Variants in MITF observed in about 807,000 individuals in gnomAD.
MITF encodes the protein melanocyte inducing transcription factor, also known as microphthalmia-associated transcription factor.
In MITF, 17 loss-of-function variants were observed where a neutral mutation model predicts 60.5. That is an observed-to-expected ratio of 0.28 (90% CI 0.19 to 0.42). MITF has a LOEUF of 0.42. Ranked by LOEUF, MITF falls within the 10% of genes least tolerant of loss-of-function variation. The probability of loss-of-function intolerance (pLI) is 1.00; values close to 1 mark genes in which losing one functional copy is unlikely to be tolerated. For synonymous variants in MITF, 260 were observed against 248.5 expected, an observed-to-expected ratio of 1.05 and a Z score of -0.43; for missense variants, 622 against 683.5, an observed-to-expected ratio of 0.91 and a Z score of 1.00.
chr3:69,936,945 T>TTA, intron 2 of MITF: 1 of 487,632 alleles, frequency 2.1e-6, no homozygotes, highest in Non-Finnish European at 3.5e-6. Context: ...ATTAGTAGGA[T>TTA]TCTTTTTTTT....
intron 5 of MITF, among the ~76,000 whole-genome samples, chr3:69,948,552 A>T (rs1300145280): frequency 6.6e-6 from 1 of 152,180 alleles, no homozygotes; most frequent in African/African-American, 2.4e-5. Flanking sequence ...AATTAAAAAA[A>T]AAAAAACTTT....
intron 1 of MITF, among the ~76,000 whole-genome samples, chr3:69,790,706 C>T (rs570217314): frequency 2.4e-4 from 36 of 152,254 alleles, no homozygotes; most frequent in South Asian, 1.0e-3. Flanking sequence ...CCCTATATCT[C>T]GCTTCTCTTG....
intron 1 of MITF, among the ~76,000 whole-genome samples, chr3:69,838,352 T>TA (rs35112703): frequency 0.51 from 71,971 of 142,218 alleles, 19,049 homozygotes; most frequent in Non-Finnish European, 0.63. Context: ...CTAATTTTGC[T>TA]AAAAAAAAAA....
At chr3:69,848,951 A>C (rs1300889024) in intron 1 of MITF, among the ~76,000 whole-genome samples, 1 of 139,108 alleles carries the variant, frequency 7.2e-6, no homozygotes, top group Middle Eastern at 3.7e-3. Flanking sequence ...TTGGGCAAAG[A>C]TTCTTCTTTT....
At chr3:69,830,260 G>A (rs2063424470) in intron 1 of MITF, among the ~76,000 whole-genome samples, 1 of 152,088 alleles carries the variant, frequency 6.6e-6, no homozygotes, top group Non-Finnish European at 1.5e-5. Context: ...ACTCAATCTG[G>A]CTTTCCCCTT....
chr3:69,922,495 C>T (rs1039009779), intron 2 of MITF, among the ~76,000 whole-genome samples: 1 of 152,172 alleles, frequency 6.6e-6, no homozygotes, highest in Non-Finnish European at 1.5e-5. Flanking sequence ...GCTGGGATTA[C>T]AGGAGTGAGC....
At chr3:69,775,036 T>G (rs2062451713) in intron 1 of MITF, among the ~76,000 whole-genome samples, 2 of 152,212 alleles carry the variant, frequency 1.3e-5, no homozygotes, top group Admixed American at 6.5e-5. Flanking sequence ...TTCTGTTTTC[T>G]TTCTACTCAT....
intron 2 of MITF, among the ~76,000 whole-genome samples, chr3:69,892,891 T>G (rs572198797): frequency 6.6e-6 from 1 of 152,368 alleles, no homozygotes; most frequent in South Asian, 2.1e-4. Context: ...CTTTCTCCTT[T>G]CTTTTTTTGT....
chr3:69,750,224 G>A (rs556515404), intron 1 of MITF, among the ~76,000 whole-genome samples: 1 of 152,130 alleles, frequency 6.6e-6, no homozygotes, highest in African/African-American at 2.4e-5. Context: ...CTCCAGGAGT[G>A]GAGAATCTGA....
At chr3:69,941,097 GGA>G in intron 4 of MITF, 137 bp from the exon 5 acceptor site, 1 of 623,612 alleles carries the variant, frequency 1.6e-6, no homozygotes, top group South Asian at 1.9e-5. Context: ...CTATTTTAGT[GGA>G]AAGAGGACAG....
intron 2 of MITF, among the ~76,000 whole-genome samples, chr3:69,886,295 A>G (rs927396356): frequency 2.0e-5 from 3 of 152,134 alleles, no homozygotes; most frequent in Admixed American, 6.6e-5. Context: ...AGGAAAGGCA[A>G]TTGTGCCTCC....
chr3:69,938,176 G>T, intron 3 of MITF, 127 bp downstream of exon 3: 1 of 1,213,880 alleles, frequency 8.2e-7, no homozygotes, highest in Non-Finnish European at 1.2e-6. Context: ...CTTTGTCCCC[G>T]ATTCACCATC....
At chr3:69,862,176 C>T (rs2064028430) in intron 1 of MITF, among the ~76,000 whole-genome samples, 1 of 152,132 alleles carries the variant, frequency 6.6e-6, no homozygotes, top group Admixed American at 6.5e-5. Context: ...CAGAATCTCA[C>T]TCACTCATTT....
intron 9 of MITF, among the ~76,000 whole-genome samples, chr3:69,963,012 G>A (rs1247538104): frequency 2.0e-5 from 3 of 152,088 alleles, no homozygotes; most frequent in African/African-American, 7.2e-5. Context: ...CTTTTTTCCT[G>A]TGTGTGTCTG....
At chr3:69,750,433 C>T (rs1241619007) in intron 1 of MITF, among the ~76,000 whole-genome samples, 2 of 114,052 alleles carry the variant, frequency 1.8e-5, no homozygotes, top group African/African-American at 6.8e-5. Flanking sequence ...TAATTATTAT[C>T]AATGATTATC....
At chr3:69,767,703 C>A (rs1454611796) in intron 1 of MITF, among the ~76,000 whole-genome samples, 3 of 152,126 alleles carry the variant, frequency 2.0e-5, no homozygotes, top group Non-Finnish European at 4.4e-5. Context: ...GGCACTGAGA[C>A]AGTCTAAGCA....
At chr3:69,923,087 C>T (rs2065504854) in intron 2 of MITF, among the ~76,000 whole-genome samples, 1 of 152,168 alleles carries the variant, frequency 6.6e-6, no homozygotes, top group Admixed American at 6.5e-5. Flanking sequence ...AAAACAAATA[C>T]TCAGAAGAAA....
chr3:69,844,714 A>G (rs1017984448), intron 1 of MITF, among the ~76,000 whole-genome samples: 7 of 152,200 alleles, frequency 4.6e-5, no homozygotes, highest in Non-Finnish European at 1.0e-4. Flanking sequence ...AATTTTTGCA[A>G]TCTATGTATC....
chr3:69,845,305 A>T (rs1428956139), intron 1 of MITF, among the ~76,000 whole-genome samples: 2 of 151,628 alleles, frequency 1.3e-5, no homozygotes, highest in African/African-American at 4.8e-5. Context: ...AGATCATTTT[A>T]TTTTTATTTT....
Sources: allele counts gnomAD v4.1 joint callset (sites outside exome capture counted in the v4.1 genomes callset), GRCh38; gene constraint gnomAD v4.1.1; transcripts MANE v1.5; gene names NCBI Gene and HGNC (gene_info 2026-07-23, HGNC 2026-07-21).